The following INPP4B variants were observed in gnomAD, a reference collection of about 807,000 sequenced individuals.
INPP4B encodes inositol polyphosphate 4-phosphatase type II.
Under a neutral mutation model 122.5 loss-of-function variants are expected in INPP4B, and 55 were observed. The observed-to-expected ratio is 0.45, with a 90% confidence interval of 0.36 to 0.56. The LOEUF is 0.56. Among genes scored for constraint, INPP4B ranks in the 20% least tolerant of loss-of-function variants. INPP4B has a pLI of 0.00. For missense variants in INPP4B, 1,000 were observed against 1,097.7 expected (o/e 0.91, Z 1.26); for synonymous variants, 403 against 388.7 (o/e 1.04, Z -0.43).
At chr4:142,173,889 A>C (rs10013734) in intron 15 of INPP4B, 80 bp from the exon 16 acceptor site, 72,805 of 1,087,486 alleles carry the variant, frequency 0.067, 3,408 homozygotes, top group African/African-American at 0.2. Flanking sequence ...GCAAATGATA[A>C]ACAGAACTCC....
chr4:142,423,413 CT>C (rs573652015), intron 5 of INPP4B, among the ~76,000 whole-genome samples: 16 of 151,788 alleles, frequency 1.1e-4, no homozygotes, highest in African/African-American at 3.9e-4. Flanking sequence ...ATGATTTTAT[CT>C]TTTTTTTCCC....
intron 1 of INPP4B, among the ~76,000 whole-genome samples, chr4:142,840,705 A>G (rs1163086842): frequency 6.6e-6 from 1 of 152,112 alleles, no homozygotes; most frequent in Non-Finnish European, 1.5e-5. Flanking sequence ...CAAGGTTTCT[A>G]AGCATTGCAC....
intron 2 of INPP4B, among the ~76,000 whole-genome samples, chr4:142,511,516 T>C (rs1824710696): frequency 6.6e-6 from 1 of 152,160 alleles, no homozygotes; most frequent in African/African-American, 2.4e-5. Context: ...CAAAAGTAAG[T>C]ATTTTTTTGG....
intron 1 of INPP4B, among the ~76,000 whole-genome samples, chr4:142,748,638 T>A (rs1485498858): frequency 6.6e-6 from 1 of 151,698 alleles, no homozygotes; most frequent in Non-Finnish European, 1.5e-5. Context: ...GGACATTTCC[T>A]AAACAACTCA....
rs183625287 is a variant in INPP4B, at chr4:142,676,395, C to T, written c.-191+49444G>A. Among the ~76,000 whole-genome samples the T allele has an allele frequency of 1.0e-3, 152 of 151,426 alleles. 1 individual carries two copies. Among genetic ancestry groups the T allele is most frequent in the Non-Finnish European group, 1.6e-3 (111 of 67,530 alleles). ...CATGCTCATAGACAGGAAGAATCAA[C>T]ATTAAAATGGCCATACTGCCCAAAG... On this transcript the variant is annotated intron_variant, in intron 2 of 25. Coordinates refer to ENST00000262992, the MANE Select transcript of INPP4B (RefSeq NM_001101669.3).
chr4:142,643,657 A>G (rs1056859457), intron 2 of INPP4B, among the ~76,000 whole-genome samples: 5 of 152,300 alleles, frequency 3.3e-5, no homozygotes, highest in Admixed American at 3.3e-4. Flanking sequence ...ATCTCACTTC[A>G]TTGTTTGGAA....
chr4:142,150,868 G>A (rs1051747844), intron 17 of INPP4B, among the ~76,000 whole-genome samples: 8 of 152,094 alleles, frequency 5.3e-5, no homozygotes, highest in African/African-American at 1.4e-4. Flanking sequence ...AATATATTCC[G>A]TAATACTTAG....
rs562910140 is a variant in INPP4B, at chr4:142,611,584, T to C, written c.-191+114255A>G. ...AAATTATTTGTGTGCAAAAAATAAA[T>C]TGGCTTTTCAAACACTTAATTTTCC... is the stretch of plus-strand genomic sequence containing the variant. On this transcript the variant is annotated intron_variant, in intron 2 of 25. Coordinates refer to ENST00000262992, the MANE Select transcript of INPP4B (RefSeq NM_001101669.3). 8.6e-5 allele frequency among the ~76,000 whole-genome samples: 13 copies of C among 151,852 alleles called. No individual in the cohort carries two copies. The South Asian group carries it at 2.1e-3, about 24-fold the overall frequency.
intron 1 of INPP4B, among the ~76,000 whole-genome samples, chr4:142,820,252 T>G (rs1047656890): frequency 6.6e-6 from 1 of 152,092 alleles, no homozygotes; most frequent in Non-Finnish European, 1.5e-5. Flanking sequence ...GTCATGAGGG[T>G]GGATTCCCCA....
chr4:142,258,796 C>A (rs1402000667), intron 11 of INPP4B, among the ~76,000 whole-genome samples: 3 of 152,174 alleles, frequency 2.0e-5, no homozygotes, highest in Non-Finnish European at 1.5e-5. Flanking sequence ...GTCAGTGTGG[C>A]AATTCCTCAG....
chr4:142,474,827 C>G (rs1320019074), intron 2 of INPP4B, among the ~76,000 whole-genome samples: 1 of 152,198 alleles, frequency 6.6e-6, no homozygotes, highest in Non-Finnish European at 1.5e-5. Flanking sequence ...CAAGCCACAC[C>G]TGCTAGAGCT....
chr4:142,345,132 A>C (rs1315333314), intron 7 of INPP4B, among the ~76,000 whole-genome samples: 1 of 152,000 alleles, frequency 6.6e-6, no homozygotes, highest in Non-Finnish European at 1.5e-5. Context: ...AGTGCACCTA[A>C]CTCATTCTTA....
At chr4:142,466,390 T>A (rs1246069834) in intron 2 of INPP4B, among the ~76,000 whole-genome samples, 1 of 152,218 alleles carries the variant, frequency 6.6e-6, no homozygotes, top group Non-Finnish European at 1.5e-5. Flanking sequence ...ATTTGAACTT[T>A]AAGACTGATG....
chr4:142,387,812 G>A (rs765087010), intron 7 of INPP4B, among the ~76,000 whole-genome samples: 1 of 152,086 alleles, frequency 6.6e-6, no homozygotes, highest in South Asian at 2.1e-4. Context: ...ATACAGAGGG[G>A]TACCTTAGGA....
At position 142,622,483 on chromosome 4, in the gene INPP4B, A is replaced by T. The variant is rs556930149; in HGVS notation, c.-191+103356T>A. On this transcript the variant is annotated intron_variant, in intron 2 of 25. Coordinates refer to ENST00000262992, the MANE Select transcript of INPP4B (RefSeq NM_001101669.3). The stretch of plus-strand genomic sequence containing the variant: ...AAAAGAGTTGGGGTATACAATGAAG[A>T]GCAAATAAAACTTTTTGCACTTCAG... Among the ~76,000 whole-genome samples the T allele has an allele frequency of 5.9e-5, 9 of 152,084 alleles. No individual in the cohort carries two copies. In the East Asian group the frequency reaches 1.4e-3, roughly 23 times the overall value.
chr4:142,591,813 C>T (rs1737566671), intron 2 of INPP4B, among the ~76,000 whole-genome samples: 3 of 152,050 alleles, frequency 2.0e-5, no homozygotes, highest in Non-Finnish European at 4.4e-5. Context: ...AGACAAATTC[C>T]AGTAGAGAGA....
intron 2 of INPP4B, among the ~76,000 whole-genome samples, chr4:142,502,080 G>A (rs763531329): frequency 2.0e-5 from 3 of 152,190 alleles, no homozygotes; most frequent in Non-Finnish European, 4.4e-5. Context: ...CATCAGATTT[G>A]TCAGATGTTT....
intron 2 of INPP4B, among the ~76,000 whole-genome samples, chr4:142,559,453 A>G (rs1016729109): frequency 6.6e-6 from 1 of 152,204 alleles, no homozygotes; most frequent in Non-Finnish European, 1.5e-5. Context: ...ATTCATTTAA[A>G]AAATGAGAGG....
intron 2 of INPP4B, among the ~76,000 whole-genome samples, chr4:142,543,795 G>A (rs1039907471): frequency 2.6e-5 from 4 of 152,042 alleles, no homozygotes; most frequent in Non-Finnish European, 5.9e-5. Flanking sequence ...TTTTAAAACT[G>A]TATTAAAAAG....
Sources: allele counts gnomAD v4.1 joint callset (sites outside exome capture counted in the v4.1 genomes callset), GRCh38; gene constraint gnomAD v4.1.1; transcripts MANE v1.5; gene names NCBI Gene and HGNC (gene_info 2026-07-23, HGNC 2026-07-21).